The following FBXO34 variants were observed in gnomAD, a reference collection of about 807,000 sequenced individuals.
FBXO34 encodes the protein F-box only protein 34.
A neutral mutation model predicts 24.5 loss-of-function variants in FBXO34; 12 were observed. That is an observed-to-expected ratio of 0.49 (90% CI 0.31 to 0.79). The LOEUF (loss-of-function observed/expected upper bound fraction) is 0.79. Ranked by LOEUF, FBXO34 falls within the 30% of genes least tolerant of loss-of-function variation. The pLI is 0.04. For synonymous variants in FBXO34, 320 were observed against 311.9 expected, an observed-to-expected ratio of 1.03 and a Z score of -0.27; for missense variants, 823 against 857.7, an observed-to-expected ratio of 0.96 and a Z score of 0.51.
At chr14:55,410,293 T>C in the FBXO34 span, among the ~76,000 whole-genome samples, 6 of 152,208 alleles carry the variant, frequency 3.9e-5, no homozygotes, top group Non-Finnish European at 8.8e-5. Flanking sequence ...CTGGCAGTCT[T>C]AAGCATATAG....
At chr14:55,327,928 T>G (rs1321756100) in intron 1 of FBXO34, among the ~76,000 whole-genome samples, 7 of 116,206 alleles carry the variant, frequency 6.0e-5, no homozygotes, top group Non-Finnish European at 8.9e-5. Flanking sequence ...TTTTTTTTTT[T>G]TTTTTTTTTT....
At chr14:55,389,496 A>G in the FBXO34 span, among the ~76,000 whole-genome samples, 6 of 152,192 alleles carry the variant, frequency 3.9e-5, no homozygotes, top group African/African-American at 1.4e-4. Flanking sequence ...AATGTTTTCA[A>G]TGGAAGCTTT....
chr14:55,335,071 G>A (rs1176321741), intron 1 of FBXO34, among the ~76,000 whole-genome samples: 11 of 152,164 alleles, frequency 7.2e-5, no homozygotes, highest in Non-Finnish European at 2.9e-5. Context: ...ATTGAGTGGA[G>A]GGCAGGTGAA....
chr14:55,363,554 C>T (rs532277483), downstream of FBXO34, among the ~76,000 whole-genome samples: 1 of 152,160 alleles, frequency 6.6e-6, no homozygotes, highest in South Asian at 2.1e-4. Flanking sequence ...GTCTTGAACT[C>T]CTGACTTCAG....
chr14:55,428,244 C>T, the FBXO34 span, among the ~76,000 whole-genome samples: 2 of 147,742 alleles, frequency 1.4e-5, no homozygotes, highest in South Asian at 4.3e-4. Context: ...ATTCTTCTGC[C>T]TCAGCCTCCC....
At chr14:55,291,586 C>T (rs1039906539) in intron 1 of FBXO34, among the ~76,000 whole-genome samples, 2 of 151,780 alleles carry the variant, frequency 1.3e-5, no homozygotes, top group African/African-American at 4.8e-5. Flanking sequence ...TATGCCTCCT[C>T]ACTTCAGGAG....
the FBXO34 span, among the ~76,000 whole-genome samples, chr14:55,400,765 G>A: frequency 6.6e-6 from 1 of 152,184 alleles, no homozygotes; most frequent in South Asian, 2.1e-4. Flanking sequence ...TTAGCCAGGT[G>A]TGGTGGCGGG....
chr14:55,275,264 ACAT>A (rs1247064976), intron 1 of FBXO34, among the ~76,000 whole-genome samples: 1 of 152,236 alleles, frequency 6.6e-6, no homozygotes, highest in Non-Finnish European at 1.5e-5. Context: ...CAGAAACCTA[ACAT>A]GTACATTTCC....
chr14:55,324,977 T>C (rs1454480291), intron 1 of FBXO34, among the ~76,000 whole-genome samples: 2 of 152,136 alleles, frequency 1.3e-5, no homozygotes, highest in East Asian at 3.8e-4. Flanking sequence ...ACGAGTGAGC[T>C]CTCTGGGTCT....
At chr14:55,421,325 T>C in the FBXO34 span, among the ~76,000 whole-genome samples, 1 of 152,194 alleles carries the variant, frequency 6.6e-6, no homozygotes, top group African/African-American at 2.4e-5. Context: ...TCACTTCCTC[T>C]AGGACATGTA....
At chr14:55,435,458 T>C in the FBXO34 span, among the ~76,000 whole-genome samples, 1 of 152,084 alleles carries the variant, frequency 6.6e-6, no homozygotes, top group Admixed American at 6.5e-5. Context: ...GTATTTTTAG[T>C]AGAGACGGGA....
the FBXO34 span, among the ~76,000 whole-genome samples, chr14:55,375,503 T>A: frequency 3.2e-4 from 44 of 139,280 alleles, no homozygotes; most frequent in African/African-American, 1.1e-3. Context: ...TTTTTTTTTT[T>A]TTTTTTTTTT....
intron 1 of FBXO34, among the ~76,000 whole-genome samples, chr14:55,275,772 C>A (rs1365680608): frequency 2.8e-5 from 4 of 142,798 alleles, no homozygotes; most frequent in African/African-American, 1.0e-4. Flanking sequence ...TGCAGTGAAC[C>A]GAGATGGCGC....
rs200955652 is a variant in FBXO34, at chr14:55,279,395, AAAAT to A, written c.-11+7866_-11+7869del. On this transcript the variant is annotated intron_variant, in intron 1 of 1. Coordinates refer to ENST00000313833, the MANE Select transcript of FBXO34 (RefSeq NM_017943.4). ...CTGTAACGAAAGATCATGTGATAGG[AAAAT>A]AAATAAACTGTGATTTCTACTGGTG... 9.3e-3 allele frequency among the ~76,000 whole-genome samples: 1,410 copies of A among 152,266 alleles called. 28 individuals are homozygous for A. The highest frequency in any genetic ancestry group is 0.033 in the African/African-American group (1,359 of 41,542).
In FBXO34 at chr14:55,352,587, C is replaced by A. The variant is rs189204235; in HGVS notation, c.*61C>A. 6 of 1,378,132 alleles carry A rather than the reference C, an allele frequency of 4.4e-6. No homozygotes were observed. Among genetic ancestry groups the A allele is most frequent in the East Asian group, 4.7e-5 (2 of 42,214 alleles). The allele number at this position is 1,378,132 out of a possible 1,614,324, so 85.4% of individuals were successfully genotyped here. A position where few individuals can be genotyped will look rare whatever the true frequency, so the allele number is the denominator to read the frequency against. On this transcript the variant is annotated 3_prime_UTR_variant, in exon 2 of 2. Coordinates refer to ENST00000313833, the MANE Select transcript of FBXO34 (RefSeq NM_017943.4). ...AAAGCTGCAAAACACCTAGATACAC[C>A]GTTCAAATGAGCGTAGCCCCCTGAG... is the stretch of plus-strand genomic sequence containing the variant.
intron 1 of FBXO34, among the ~76,000 whole-genome samples, chr14:55,292,753 T>G (rs1881983460): frequency 6.6e-6 from 1 of 152,172 alleles, no homozygotes; most frequent in African/African-American, 2.4e-5. Context: ...AGCAGAGACC[T>G]CCTACTTAGC....
the FBXO34 span, among the ~76,000 whole-genome samples, chr14:55,385,295 TTTTG>T: frequency 1.3e-5 from 2 of 152,138 alleles, no homozygotes; most frequent in Non-Finnish European, 1.5e-5. Flanking sequence ...TCTGGTTTTT[TTTTG>T]TTTGTTTCTT....
chr14:55,355,513 ATTGTGT>A (rs918034414), downstream of FBXO34, among the ~76,000 whole-genome samples: 14 of 152,210 alleles, frequency 9.2e-5, no homozygotes, highest in Admixed American at 5.2e-4. Flanking sequence ...AGAAAAAAAC[ATTGTGT>A]TTGTACTGAA....
At chr14:55,335,657 A>T (rs1883750269) in intron 1 of FBXO34, among the ~76,000 whole-genome samples, 1 of 152,226 alleles carries the variant, frequency 6.6e-6, no homozygotes. Flanking sequence ...ACATTTTAAA[A>T]AATGACCCAG....
Sources: allele counts gnomAD v4.1 joint callset (sites outside exome capture counted in the v4.1 genomes callset), GRCh38; gene constraint gnomAD v4.1.1; transcripts MANE v1.5; gene names NCBI Gene and HGNC (gene_info 2026-07-23, HGNC 2026-07-21).